GDPD5: variants seen among roughly 807,000 people sequenced by gnomAD.
GDPD5 encodes glycerophosphodiester phosphodiesterase 2.
Under a neutral mutation model 75.1 loss-of-function variants are expected in GDPD5, and 48 were observed. The observed-to-expected ratio is 0.64, with a 90% CI of 0.51 to 0.81. The LOEUF (loss-of-function observed/expected upper bound fraction) is 0.81, where lower values mean the gene tolerates loss of function less well. Ranked by LOEUF, GDPD5 falls within the 40% of genes least tolerant of loss-of-function variation. The pLI is 0.00. For missense variants in GDPD5, 706 were observed against 822.6 expected (o/e 0.86, Z 1.73); for synonymous variants, 336 against 339.0 (o/e 0.99, Z 0.10).
At chr11:75,458,447 C>T (rs1206848828) in intron 4 of GDPD5, among the ~76,000 whole-genome samples, 5 of 152,152 alleles carry the variant, frequency 3.3e-5, no homozygotes, top group East Asian at 1.9e-4. Flanking sequence ...CTGAGGCGGG[C>T]GGATCACGAG....
intron 3 of GDPD5, among the ~76,000 whole-genome samples, chr11:75,464,659 C>T (rs1227390355): frequency 6.6e-6 from 1 of 152,152 alleles, no homozygotes; most frequent in Non-Finnish European, 1.5e-5. Flanking sequence ...GTGACGACAC[C>T]CTGAGGCCCA....
intron 1 of GDPD5, among the ~76,000 whole-genome samples, chr11:75,497,194 G>A (rs1011367573): frequency 6.6e-6 from 1 of 151,638 alleles, no homozygotes; most frequent in Non-Finnish European, 1.5e-5. Context: ...AGTCACCAAC[G>A]CACATTTCCT....
chr11:75,507,158 T>C (rs1399330747), intron 1 of GDPD5: 2 of 152,420 alleles, frequency 1.3e-5, no homozygotes, highest in Admixed American at 1.3e-4. Context: ...GGCCCACCAA[T>C]GCCAGACGCT....
rs1948792676 is a variant in GDPD5 at position 75,441,295 on chromosome 11, C to G, written c.1341G>C (p.Trp447Cys). ...SRQELRDYAS[W>C]NLSVNLYTVN... The stretch of plus-strand genomic sequence containing the variant: ...CTGTGTAGAGGTTCACACTCAGGTT[C>G]CAGGACGCGTAGTCCCTGTGGGGCA... Residue 447 changes from tryptophan (W) to cysteine (C), a missense_variant, in exon 14 of 17, where the codon TGG becomes TGC. Coordinates refer to ENST00000336898, the MANE Select transcript of GDPD5 (RefSeq NM_030792.8). 6.2e-7 allele frequency: 1 copy of G among 1,614,028 alleles called. No homozygotes were observed. The highest frequency in any genetic ancestry group is 1.7e-5 in the Admixed American group (1 of 60,008).
intron 1 of GDPD5, among the ~76,000 whole-genome samples, chr11:75,512,113 T>G (rs1950532689): frequency 6.6e-6 from 1 of 152,164 alleles, no homozygotes; most frequent in African/African-American, 2.4e-5. Context: ...GATGGATGGA[T>G]GGATACATGG....
intron 1 of GDPD5, among the ~76,000 whole-genome samples, chr11:75,524,740 A>C (rs1358475585): frequency 6.6e-6 from 1 of 152,148 alleles, no homozygotes; most frequent in African/African-American, 2.4e-5. Context: ...TGGAACTGGG[A>C]AGCTTCCCAC....
At chr11:75,462,246 CG>C (rs929548598) in intron 4 of GDPD5, among the ~76,000 whole-genome samples, 1 of 152,154 alleles carries the variant, frequency 6.6e-6, no homozygotes, top group Non-Finnish European at 1.5e-5. Context: ...GTCACAGCAC[CG>C]GGAAGGAATG....
chr11:75,477,709 G>A lies in GDPD5; in HGVS notation c.27C>T (p.Tyr9=). The change falls in exon 3 of 17, where the codon TAC becomes TAT. Residue 9 remains tyrosine, a synonymous_variant. Transcript: ENST00000336898. MVRHQPLQ[Y]YEPQLCLSCL... is the part of the protein sequence containing the mutation. Reference sequence around the variant, plus strand: ...AGGAGAGGCACAGCTGTGGCTCGTAGTACTGCAGGGGCTGGTGTCTCACCA... The same window carrying A: ...AGGAGAGGCACAGCTGTGGCTCGTAATACTGCAGGGGCTGGTGTCTCACCA... 6.3e-7 allele frequency: 1 copy of A among 1,592,320 alleles called. No homozygotes were observed. Among genetic ancestry groups the A allele is most frequent in the Non-Finnish European group, 8.6e-7 (1 of 1,163,974 alleles).
chr11:75,494,047 T>G (rs1042067987), intron 1 of GDPD5, among the ~76,000 whole-genome samples: 1 of 152,202 alleles, frequency 6.6e-6, no homozygotes, highest in African/African-American at 2.4e-5. Context: ...TTTCAAAAAT[T>G]TAATTAATAT....
At chr11:75,518,545 T>C (rs1342701101) in intron 1 of GDPD5, among the ~76,000 whole-genome samples, 1 of 152,208 alleles carries the variant, frequency 6.6e-6, no homozygotes, top group Non-Finnish European at 1.5e-5. Context: ...ATGATTCTAA[T>C]GTGAAACAAA....
intron 1 of GDPD5, among the ~76,000 whole-genome samples, chr11:75,505,679 C>T (rs189380194): frequency 2.3e-3 from 355 of 152,216 alleles, no homozygotes; most frequent in Non-Finnish European, 4.3e-3. Flanking sequence ...CTGCCCCAGG[C>T]GACCTTTACT....
At chr11:75,496,478 G>C (rs900537193) in intron 1 of GDPD5, among the ~76,000 whole-genome samples, 1 of 152,196 alleles carries the variant, frequency 6.6e-6, no homozygotes, top group African/African-American at 2.4e-5. Flanking sequence ...ATGTCATATG[G>C]GGACACTGGG....
Position 75,449,922 on chromosome 11 carries a change from C to A in GDPD5, c.437G>T (p.Trp146Leu). Residue 146 changes from tryptophan to leucine, a missense_variant, in exon 7 of 17, where the codon TGG (tryptophan) becomes TTG (leucine). By Grantham distance (61) the Trp-to-Leu change is moderately conservative. Coordinates refer to ENST00000336898, the MANE Select transcript of GDPD5 (RefSeq NM_030792.8). ...CAGCAGCACCTCCCACTCGTCCTCC[C>A]ACAGCTGGGCCACGGCCGACATGGC... ...VVAMSAVAQL[W>L]EDEWEVLLIS... 1 of 1,613,832 alleles carries A rather than the reference C, an allele frequency of 6.2e-7. No homozygotes were observed. The highest frequency in any genetic ancestry group is 8.5e-7 in the Non-Finnish European group (1 of 1,180,038).
At chr11:75,523,545 G>T (rs548167295) in intron 1 of GDPD5, among the ~76,000 whole-genome samples, 1 of 152,180 alleles carries the variant, frequency 6.6e-6, no homozygotes, top group African/African-American at 2.4e-5. Flanking sequence ...AACTGAGCAG[G>T]TAACACACAG....
At chr11:75,512,054 T>C (rs1950531188) in intron 1 of GDPD5, among the ~76,000 whole-genome samples, 2 of 152,236 alleles carry the variant, frequency 1.3e-5, no homozygotes, top group Admixed American at 1.3e-4. Context: ...GAGGGTGTGG[T>C]AATGTCTTGA....
At chr11:75,480,189 G>T (rs912951416) in intron 2 of GDPD5, among the ~76,000 whole-genome samples, 6 of 152,088 alleles carry the variant, frequency 3.9e-5, no homozygotes, top group Non-Finnish European at 7.4e-5. Flanking sequence ...ACAAAAATTA[G>T]CTGGGCATGG....
At position 75,457,772 on chromosome 11, in the gene GDPD5, C is replaced by T. The variant is rs202061938; in HGVS notation, c.236G>A (p.Arg79His). ...YDEFNWYLYN[R>H]MGYWSDWPVP... ...GGGCCAGTCGCTCCAGTAGCCCATG[C>T]GGTTGTAGAGGTACCTGCCAGGAGG... is the stretch of plus-strand genomic sequence containing the variant. The change falls in exon 5 of 17, where the codon CGC becomes CAC. Residue 79 changes from arginine to histidine, a missense_variant. By Grantham distance (29) the Arg-to-His change is conservative (BLOSUM62 0). Transcript: ENST00000336898. The T allele has an allele frequency of 4.0e-5, 65 of 1,613,752 alleles. No individual in the cohort carries two copies. Among genetic ancestry groups the T allele is most frequent in the African/African-American group, 1.1e-4 (8 of 74,920 alleles).
At chr11:75,475,579 A>C (rs1343941018) in intron 3 of GDPD5, among the ~76,000 whole-genome samples, 2 of 152,074 alleles carry the variant, frequency 1.3e-5, no homozygotes, top group Non-Finnish European at 2.9e-5. Flanking sequence ...AGAGAGAGAA[A>C]GGATGAGGGG....
intron 5 of GDPD5, 152 bp from the exon 6 acceptor site, chr11:75,456,968 C>T (rs1256036711): frequency 1.4e-6 from 1 of 718,514 alleles, no homozygotes; most frequent in Non-Finnish European, 2.5e-6. Context: ...GCGCTGCCCT[C>T]CCCAGCCCAG....
Sources: allele counts gnomAD v4.1 joint callset (sites outside exome capture counted in the v4.1 genomes callset), GRCh38; gene constraint gnomAD v4.1.1; transcripts MANE v1.5; gene names NCBI Gene and HGNC (gene_info 2026-07-23, HGNC 2026-07-21).